CLDN14: variants seen among roughly 807,000 people sequenced by gnomAD.
The protein encoded by CLDN14 is claudin 14, also known as claudin-14.
In CLDN14, 2 loss-of-function variants were observed where a neutral mutation model predicts 2.1. The observed-to-expected ratio is 0.96, with a 90% CI of 0.39 to 3.01. The LOEUF (loss-of-function observed/expected upper bound fraction) is 3.01. CLDN14 is among the 30% of genes most tolerant of loss of function. CLDN14 has a pLI of 0.09. For synonymous variants in CLDN14, 136 were observed against 154.4 expected, an observed-to-expected ratio of 0.88 and a Z score of 0.88; for missense variants, 298 against 328.0, an observed-to-expected ratio of 0.91 and a Z score of 0.71.
chr21:36,564,831 G>A (rs1449344807), intron 1 of CLDN14, among the ~76,000 whole-genome samples: 1 of 152,196 alleles, frequency 6.6e-6, no homozygotes, highest in Non-Finnish European at 1.5e-5. Flanking sequence ...CAGAGCCAGT[G>A]TGATGTGAGT....
rs138615906 is a variant in CLDN14, at chr21:36,470,981, GCAAA to G, written c.-82+8510_-82+8513del. Among the ~76,000 whole-genome samples, 926 of 152,248 alleles carry G rather than the reference GCAAA, an allele frequency of 6.1e-3. 8 individuals carry two copies. The highest frequency in any genetic ancestry group is 0.02 in the African/African-American group (814 of 41,544). On this transcript the variant is annotated intron_variant, in intron 1 of 1. Coordinates refer to ENST00000399135, the MANE Select transcript of CLDN14 (RefSeq NM_001146079.2). ...AGAGAGCAACATCGTATTTCAAAAA[GCAAA>G]CAAACAAAAAAACCTCATTTGTGAT...
intron 1 of CLDN14, among the ~76,000 whole-genome samples, chr21:36,554,558 A>T (rs529435204): frequency 1.3e-5 from 2 of 152,258 alleles, no homozygotes; most frequent in African/African-American, 4.8e-5. Flanking sequence ...CAAGATGGAT[A>T]CTATAATTAC....
upstream of CLDN14, among the ~76,000 whole-genome samples, chr21:36,484,192 G>A (rs1017985837): frequency 3.3e-5 from 5 of 152,228 alleles, no homozygotes; most frequent in African/African-American, 1.2e-4. Flanking sequence ...CCAAAGACGA[G>A]TGAGGTAGGA....
chr21:36,555,860 AGAGT>A (rs1451559669), intron 1 of CLDN14, among the ~76,000 whole-genome samples: 7 of 144,654 alleles, frequency 4.8e-5, no homozygotes, highest in African/African-American at 7.7e-5. Context: ...TGAGAGAGAG[AGAGT>A]GTGTGTGTGT....
chr21:36,486,896 T>A, intron 2 of CLDN14: 1 of 652,756 alleles, frequency 1.5e-6, no homozygotes, highest in Non-Finnish European at 2.9e-6. Flanking sequence ...ATGCGGCCGG[T>A]GTCTAGAGTG....
chr21:36,467,616 G>A (rs574433250), intron 1 of CLDN14, among the ~76,000 whole-genome samples: 1 of 151,884 alleles, frequency 6.6e-6, no homozygotes, highest in South Asian at 2.1e-4. Flanking sequence ...CGGTGGTGGG[G>A]GGTGTCTCTA....
intron 1 of CLDN14, among the ~76,000 whole-genome samples, chr21:36,475,687 A>G (rs1211078688): frequency 2.0e-5 from 3 of 152,008 alleles, no homozygotes; most frequent in Non-Finnish European, 2.9e-5. Flanking sequence ...AGTAGCTGGA[A>G]CTTCAGGTGT....
At chr21:36,494,173 C>T (rs1195572801) in intron 2 of CLDN14, among the ~76,000 whole-genome samples, 1 of 152,194 alleles carries the variant, frequency 6.6e-6, no homozygotes, top group Non-Finnish European at 1.5e-5. Context: ...AGACCATCTT[C>T]TCTCCCAGCG....
chr21:36,515,689 A>T (rs748535733), intron 1 of CLDN14, among the ~76,000 whole-genome samples: 5,534 of 149,780 alleles, frequency 0.037, 177 homozygotes, highest in Non-Finnish European at 0.057. Flanking sequence ...AAAAAAAAAA[A>T]TTTCTACTTA....
intron 1 of CLDN14, among the ~76,000 whole-genome samples, chr21:36,522,949 G>A (rs533049587): frequency 6.6e-6 from 1 of 152,124 alleles, no homozygotes; most frequent in Non-Finnish European, 1.5e-5. Context: ...TTGTTCAGGG[G>A]AAAGGGGAGA....
intron 1 of CLDN14, among the ~76,000 whole-genome samples, chr21:36,539,834 G>A (rs2087470738): frequency 6.8e-6 from 1 of 146,914 alleles, no homozygotes; most frequent in Admixed American, 6.8e-5. Flanking sequence ...TGTCTGCAGA[G>A]TGAGTGTGTG....
chr21:36,511,664 A>G (rs774211648), intron 1 of CLDN14, among the ~76,000 whole-genome samples: 85 of 151,974 alleles, frequency 5.6e-4, no homozygotes, highest in Non-Finnish European at 1.0e-3. Flanking sequence ...TTCCTCCTGT[A>G]CAATGGTAAT....
At chr21:36,516,673 G>A (rs2087231067) in intron 1 of CLDN14, among the ~76,000 whole-genome samples, 1 of 152,174 alleles carries the variant, frequency 6.6e-6, no homozygotes, top group African/African-American at 2.4e-5. Context: ...AGTTTGAAAA[G>A]CACTGTATTT....
At position 36,499,307 on chromosome 21, in the gene CLDN14, T is replaced by C. The variant is rs1568860467; in HGVS notation, c.-82+11056A>G. On this transcript the variant is annotated intron_variant, in intron 2 of 2. Coordinates refer to the CLDN14 transcript ENST00000342108. The surrounding 1 kb of genome is among the most constrained non-coding windows in gnomAD (Gnocchi z 4.7). ...CTCTGTCGCCCAGGCTGGAGTGCAG[T>C]GGTGTGATCTCAGCTCGCTGCAACC... 6.6e-6 allele frequency among the ~76,000 whole-genome samples: 1 copy of C among 152,178 alleles called. No individual in the cohort carries two copies. Among genetic ancestry groups the C allele is most frequent in the African/African-American group, 2.4e-5 (1 of 41,448 alleles).
Position 36,531,370 on chromosome 21 carries a change from C to T in CLDN14, c.-219-20870G>A, listed in dbSNP as rs567082643. Among the ~76,000 whole-genome samples, 155 of 151,878 alleles carry T rather than the reference C, an allele frequency of 1.0e-3. No individual in the cohort carries two copies. The Middle Eastern group carries it at 0.017, about 17-fold the overall frequency. On this transcript the variant is annotated intron_variant, in intron 1 of 2. Transcript: ENST00000342108. ...CACCATCTTGGCTTCCTGAAGCCTC[C>T]ACCTCCTGGGTTCCAGCCTCCCAGG...
upstream of CLDN14, among the ~76,000 whole-genome samples, chr21:36,485,048 A>G (rs1340352458): frequency 1.3e-5 from 2 of 151,070 alleles, no homozygotes; most frequent in Non-Finnish European, 3.0e-5. Flanking sequence ...TCTTAACTTG[A>G]TGACATCCAC....
chr21:36,526,768 A>G (rs1351927806), intron 1 of CLDN14, among the ~76,000 whole-genome samples: 1 of 152,218 alleles, frequency 6.6e-6, no homozygotes, highest in East Asian at 1.9e-4. Flanking sequence ...TTTAATTATC[A>G]TTAATCTTCC....
intron 1 of CLDN14, among the ~76,000 whole-genome samples, chr21:36,525,360 T>G (rs2087315725): frequency 6.8e-6 from 1 of 146,902 alleles, no homozygotes; most frequent in African/African-American, 2.5e-5. Context: ...ATGAAGAGGA[T>G]GGAAGGTGAG....
At chr21:36,479,443 C>T (rs1217117549) in intron 1 of CLDN14, 52 bp downstream of exon 1, 1 of 152,162 alleles carries the variant, frequency 6.6e-6, no homozygotes, top group Non-Finnish European at 1.5e-5. Flanking sequence ...AAACAGATGA[C>T]TGTCAACCCC....
Sources: allele counts gnomAD v4.1 joint callset (sites outside exome capture counted in the v4.1 genomes callset), GRCh38; gene constraint gnomAD v4.1.1; non-coding constraint Gnocchi (gnomAD v3.1); transcripts MANE v1.5; gene names NCBI Gene and HGNC (gene_info 2026-07-23, HGNC 2026-07-21).